IGFL2: variants seen among roughly 807,000 people sequenced by gnomAD.
The protein encoded by IGFL2 is insulin growth factor-like family member 2.
In IGFL2, 7 loss-of-function variants were observed where a neutral mutation model predicts 13.9. That is an observed-to-expected ratio of 0.51 (90% CI 0.29 to 0.95). The LOEUF (loss-of-function observed/expected upper bound fraction) is 0.95, where lower values mean the gene tolerates loss of function less well. Ranked by LOEUF, IGFL2 falls within the 40% of genes least tolerant of loss-of-function variation. The pLI is 0.08. For synonymous variants in IGFL2, 55 were observed against 55.8 expected (o/e 0.99, Z 0.07); for missense variants, 138 against 147.8 (o/e 0.93, Z 0.34).
chr19:46,137,415 C>T, the IGFL2 span: 6 of 1,038,052 alleles, frequency 5.8e-6, no homozygotes, highest in East Asian at 2.4e-5. Flanking sequence ...TTTTCTTGCT[C>T]GGAAGGATGG....
chr19:46,105,465 C>G, the IGFL2 span, among the ~76,000 whole-genome samples: 1 of 151,852 alleles, frequency 6.6e-6, no homozygotes, highest in Admixed American at 6.6e-5. Flanking sequence ...GGGTGAGGAA[C>G]AGGAAAGAAG....
At chr19:46,085,855 G>A in the IGFL2 span, among the ~76,000 whole-genome samples, 1 of 152,054 alleles carries the variant, frequency 6.6e-6, no homozygotes, top group Non-Finnish European at 1.5e-5. Flanking sequence ...TGTATGAAAA[G>A]GATTTTCTTT....
the IGFL2 span, chr19:46,137,454 C>G: frequency 1.9e-6 from 2 of 1,062,592 alleles, no homozygotes; most frequent in Non-Finnish European, 2.9e-6. Context: ...TACAGCCAAT[C>G]TTGAAGAATC....
At chr19:46,105,662 G>T in the IGFL2 span, among the ~76,000 whole-genome samples, 2 of 152,096 alleles carry the variant, frequency 1.3e-5, no homozygotes, top group South Asian at 4.1e-4. Context: ...ATATGCATCA[G>T]GTGTGAGGAA....
chr19:46,171,512 G>A, the IGFL2 span, among the ~76,000 whole-genome samples: 1 of 152,182 alleles, frequency 6.6e-6, no homozygotes, highest in Non-Finnish European at 1.5e-5. Flanking sequence ...GCACATTTCA[G>A]AGTATTGTGT....
intron 1 of IGFL2, among the ~76,000 whole-genome samples, chr19:46,157,024 G>T (rs1182118600): frequency 6.6e-6 from 1 of 152,086 alleles, no homozygotes; most frequent in East Asian, 1.9e-4. Context: ...TGACAACTTA[G>T]ATGAAATGGA....
chr19:46,154,927 TC>T (rs1400460429), intron 1 of IGFL2, among the ~76,000 whole-genome samples: 8 of 152,032 alleles, frequency 5.3e-5, no homozygotes, highest in Non-Finnish European at 1.2e-4. Context: ...GGCCTCCCTC[TC>T]CCCCGGGCAG....
chr19:46,191,947 A>T, the IGFL2 span, among the ~76,000 whole-genome samples: 1 of 152,192 alleles, frequency 6.6e-6, no homozygotes, highest in African/African-American at 2.4e-5. Context: ...TCTTCTTGGC[A>T]TAGCTTGTTT....
the IGFL2 span, among the ~76,000 whole-genome samples, chr19:46,102,041 G>A: frequency 1.3e-5 from 2 of 152,236 alleles, no homozygotes; most frequent in Admixed American, 6.5e-5. Flanking sequence ...AGTGGCTGGA[G>A]CTGGAAGGAA....
At chr19:46,211,236 C>T in the IGFL2 span, among the ~76,000 whole-genome samples, 1 of 152,172 alleles carries the variant, frequency 6.6e-6, no homozygotes, top group Non-Finnish European at 1.5e-5. Context: ...AGGATCCTGC[C>T]AGAGCAGGGA....
the IGFL2 span, among the ~76,000 whole-genome samples, chr19:46,132,728 A>T: frequency 6.8e-6 from 1 of 146,784 alleles, no homozygotes; most frequent in African/African-American, 2.5e-5. Flanking sequence ...AGGGAGGGAG[A>T]GGGAGAGGAA....
At chr19:46,103,849 G>A in the IGFL2 span, among the ~76,000 whole-genome samples, 1 of 152,270 alleles carries the variant, frequency 6.6e-6, no homozygotes, top group East Asian at 1.9e-4. Context: ...AAGGGAAGTA[G>A]GGTTGAGTAC....
At chr19:46,113,444 G>A in the IGFL2 span, 23 of 391,340 alleles carry the variant, frequency 5.9e-5, no homozygotes, top group African/African-American at 2.8e-4. Context: ...TGGAATCCAC[G>A]TAGATATCCA....
At chr19:46,157,203 G>A (rs568110245) in intron 1 of IGFL2, among the ~76,000 whole-genome samples, 2 of 152,208 alleles carry the variant, frequency 1.3e-5, no homozygotes, top group African/African-American at 4.8e-5. Context: ...TGTTTAAAAA[G>A]AAATTGACAC....
At chr19:46,079,555 C>T in the IGFL2 span, among the ~76,000 whole-genome samples, 1 of 152,160 alleles carries the variant, frequency 6.6e-6, no homozygotes, top group African/African-American at 2.4e-5. Context: ...CCATGATCCC[C>T]CAGCCAGCCA....
downstream of IGFL2, among the ~76,000 whole-genome samples, chr19:46,165,930 C>G (rs997493435): frequency 1.3e-5 from 2 of 152,214 alleles, no homozygotes; most frequent in Non-Finnish European, 2.9e-5. Context: ...GCTGGCCGCC[C>G]CCTTTGGGGA....
the IGFL2 span, among the ~76,000 whole-genome samples, chr19:46,183,349 TCA>T: frequency 1.3e-5 from 2 of 152,028 alleles, no homozygotes; most frequent in Non-Finnish European, 2.9e-5. Flanking sequence ...CCAAAGCATA[TCA>T]CAGACTCTCC....
the IGFL2 span, among the ~76,000 whole-genome samples, chr19:46,116,521 G>T: frequency 2.6e-5 from 4 of 152,234 alleles, no homozygotes; most frequent in East Asian, 3.9e-4. Flanking sequence ...AGCAATTTTT[G>T]ATTAGTATTA....
chr19:46,110,808 G>A, the IGFL2 span, among the ~76,000 whole-genome samples: 3 of 152,144 alleles, frequency 2.0e-5, no homozygotes, highest in South Asian at 2.1e-4. Context: ...AAGATGATAC[G>A]ATACATCATG....
Sources: gnomAD v4.1 joint callset for allele counts (sites outside exome capture counted in the v4.1 genomes callset) on GRCh38, gnomAD v4.1.1 for gene constraint, MANE v1.5 for transcripts, NCBI Gene and HGNC (gene_info 2026-07-23, HGNC 2026-07-21) for gene names.